Variants in DPP6 observed in about 807,000 individuals in gnomAD.
DPP6 encodes the protein A-type potassium channel modulatory protein DPP6.
DPP6 carries 69 observed loss-of-function variants against 122.6 expected under a neutral mutation model. The observed-to-expected ratio is 0.56, with a 90% CI of 0.46 to 0.69. DPP6 has a LOEUF of 0.69. DPP6 is among the 30% of genes least tolerant of loss of function. The pLI, the probability that DPP6 is intolerant of heterozygous loss-of-function variation, is 0.00. For synonymous variants in DPP6, 418 were observed against 433.1 expected, an observed-to-expected ratio of 0.97 and a Z score of 0.43; for missense variants, 928 against 1,116.9, an observed-to-expected ratio of 0.83 and a Z score of 2.41.
chr7:154,060,701 A>T (rs1202810116), intron 1 of DPP6, among the ~76,000 whole-genome samples: 1 of 131,462 alleles, frequency 7.6e-6, no homozygotes, highest in Non-Finnish European at 1.6e-5. Context: ...CCTGGCTGTT[A>T]GTACCCCCAT....
At chr7:154,399,953 G>A (rs1047490909) in intron 1 of DPP6, among the ~76,000 whole-genome samples, 2 of 152,206 alleles carry the variant, frequency 1.3e-5, no homozygotes, top group South Asian at 2.1e-4. Flanking sequence ...AGTTTGCCAA[G>A]GTCAAACAGG....
At chr7:153,912,907 G>T (rs1178713473) in intron 1 of DPP6, among the ~76,000 whole-genome samples, 4 of 152,210 alleles carry the variant, frequency 2.6e-5, no homozygotes, top group African/African-American at 9.6e-5. Flanking sequence ...GTAAACCTCT[G>T]AAATAGCCTT....
the DPP6 span, among the ~76,000 whole-genome samples, chr7:153,827,720 G>A: frequency 3.9e-5 from 6 of 152,118 alleles, no homozygotes; most frequent in Admixed American, 2.6e-4. Flanking sequence ...GTCGACTGGA[G>A]AGCTTTGCCA....
intron 1 of DPP6, among the ~76,000 whole-genome samples, chr7:154,172,069 A>T (rs903231636): frequency 6.6e-6 from 1 of 152,104 alleles, no homozygotes; most frequent in Non-Finnish European, 1.5e-5. Context: ...GCTGTTGAAA[A>T]GGATGTGCCT....
intron 6 of DPP6, among the ~76,000 whole-genome samples, chr7:154,651,236 T>C (rs944975671): frequency 1.3e-4 from 20 of 152,156 alleles, no homozygotes; most frequent in Non-Finnish European, 2.5e-4. Flanking sequence ...AAGGAAACCA[T>C]TCTGATTGTC....
chr7:154,222,257 G>T (rs890472241), intron 1 of DPP6, among the ~76,000 whole-genome samples: 1 of 152,122 alleles, frequency 6.6e-6, no homozygotes, highest in Non-Finnish European at 1.5e-5. Context: ...AAGTCCCACC[G>T]CCTCTGTGCT....
intron 1 of DPP6, among the ~76,000 whole-genome samples, chr7:154,316,972 A>T (rs569547338): frequency 1.3e-4 from 20 of 152,262 alleles, no homozygotes; most frequent in African/African-American, 4.8e-4. Flanking sequence ...CAAGTGCTTG[A>T]CTAATAACAG....
At chr7:154,834,322 A>AAG (rs1307900128) in intron 16 of DPP6, among the ~76,000 whole-genome samples, 1 of 151,404 alleles carries the variant, frequency 6.6e-6, no homozygotes, top group Non-Finnish European at 1.5e-5. Context: ...AAAAAAAAAA[A>AAG]AAAATTAGCC....
At chr7:153,861,763 G>T in the DPP6 span, among the ~76,000 whole-genome samples, 1 of 152,134 alleles carries the variant, frequency 6.6e-6, no homozygotes, top group Non-Finnish European at 1.5e-5. Context: ...AGACACTGTG[G>T]CAACGGAAGG....
At chr7:154,643,704 G>A (rs967054393) in intron 6 of DPP6, among the ~76,000 whole-genome samples, 6 of 152,040 alleles carry the variant, frequency 3.9e-5, no homozygotes, top group South Asian at 2.1e-4. Context: ...TCCTGACCTC[G>A]TGATCTGCCC....
chr7:154,040,350 A>C (rs1202791081), intron 1 of DPP6, among the ~76,000 whole-genome samples: 1 of 149,146 alleles, frequency 6.7e-6, no homozygotes, highest in Non-Finnish European at 1.5e-5. Flanking sequence ...CACCTGGATC[A>C]AAATAAGGAA....
intron 5 of DPP6, among the ~76,000 whole-genome samples, chr7:154,580,728 G>A (rs1832007669): frequency 6.6e-6 from 1 of 152,202 alleles, no homozygotes; most frequent in African/African-American, 2.4e-5. Flanking sequence ...AAGCCTGGAA[G>A]GAGAGGAGGA....
intron 1 of DPP6, among the ~76,000 whole-genome samples, chr7:153,893,033 C>T (rs1342216111): frequency 6.6e-6 from 1 of 152,134 alleles, no homozygotes; most frequent in Non-Finnish European, 1.5e-5. Context: ...ATACTTTAAA[C>T]ATGTTTATGG....
the DPP6 span, among the ~76,000 whole-genome samples, chr7:153,774,988 TAATAA>T: frequency 2.7e-5 from 4 of 150,168 alleles, no homozygotes; most frequent in African/African-American, 9.8e-5. Context: ...AAAAAAAAAG[TAATAA>T]AATGTTATTC....
At chr7:153,962,605 A>C (rs1795408561) in intron 1 of DPP6, among the ~76,000 whole-genome samples, 1 of 152,164 alleles carries the variant, frequency 6.6e-6, no homozygotes, top group Non-Finnish European at 1.5e-5. Flanking sequence ...CTTCCTAACA[A>C]ACGTTTCTAG....
At chr7:153,993,274 A>C (rs536110328) in intron 1 of DPP6, among the ~76,000 whole-genome samples, 1 of 152,234 alleles carries the variant, frequency 6.6e-6, no homozygotes, top group African/African-American at 2.4e-5. Flanking sequence ...TTGTGAAGCA[A>C]TAGATCTAGC....
At chr7:153,995,136 C>G (rs558396753) in intron 1 of DPP6, among the ~76,000 whole-genome samples, 3 of 152,258 alleles carry the variant, frequency 2.0e-5, no homozygotes, top group East Asian at 1.9e-4. Context: ...TAGAAGTAAA[C>G]CACAGATTGA....
At chr7:153,924,902 T>A (rs1298581112) in intron 1 of DPP6, among the ~76,000 whole-genome samples, 1 of 152,164 alleles carries the variant, frequency 6.6e-6, no homozygotes, top group Admixed American at 6.5e-5. Flanking sequence ...GAGGCATGGT[T>A]TCTGTAAGCT....
intron 1 of DPP6, among the ~76,000 whole-genome samples, chr7:154,242,952 C>T (rs955405776): frequency 2.0e-5 from 3 of 152,186 alleles, no homozygotes; most frequent in South Asian, 2.1e-4. Flanking sequence ...ATGGAGAGAA[C>T]TCATTGAGCA....
Sources: gnomAD v4.1 joint callset for allele counts (sites outside exome capture counted in the v4.1 genomes callset) on GRCh38, gnomAD v4.1.1 for gene constraint, MANE v1.5 for transcripts, NCBI Gene and HGNC (gene_info 2026-07-23, HGNC 2026-07-21) for gene names.